ITFG1: variants seen among roughly 807,000 people sequenced by gnomAD.
The protein encoded by ITFG1 is integrin alpha FG-GAP repeat containing 1, also known as T-cell immunomodulatory protein.
A neutral mutation model predicts 81.8 loss-of-function variants in ITFG1; 34 were observed. The ratio of observed to expected loss-of-function variants is 0.42; its 90% CI spans 0.32 to 0.55. The LOEUF (loss-of-function observed/expected upper bound fraction) is 0.55, where lower values mean the gene tolerates loss of function less well. Ranked by LOEUF, ITFG1 falls within the 20% of genes least tolerant of loss-of-function variation. The pLI is 0.17. For synonymous variants in ITFG1, 285 were observed against 270.6 expected (o/e 1.05, Z -0.52); for missense variants, 672 against 755.4 (o/e 0.89, Z 1.29).
chr16:47,239,586 A>G (rs1965911416), intron 12 of ITFG1, among the ~76,000 whole-genome samples: 1 of 152,178 alleles, frequency 6.6e-6, no homozygotes, highest in Non-Finnish European at 1.5e-5. Flanking sequence ...AACATGATAT[A>G]TTTCATCACA....
At position 47,295,361 on chromosome 16, in the gene ITFG1, TGGA is replaced by T. The variant is rs1378658729; in HGVS notation, c.1070+15876_1070+15878del. Among the ~76,000 whole-genome samples, 12 of 152,198 alleles carry T rather than the reference TGGA, an allele frequency of 7.9e-5. No individual in the cohort carries two copies. The East Asian group carries it at 2.3e-3, about 29-fold the overall frequency. ...GAAGATTCCCTTCTCCTTGATTTTTTGGAACAGTTTCAGTAGAACTGGTACCAG... is the reference window on the plus strand; with the variant it reads ...GAAGATTCCCTTCTCCTTGATTTTTTACAGTTTCAGTAGAACTGGTACCAG... On this transcript the variant is annotated intron_variant, in intron 10 of 17. Coordinates refer to ENST00000320640, the MANE Select transcript of ITFG1 (RefSeq NM_030790.5).
At chr16:47,409,070 T>G (rs1340858217) in intron 6 of ITFG1, among the ~76,000 whole-genome samples, 1 of 151,978 alleles carries the variant, frequency 6.6e-6, no homozygotes, top group African/African-American at 2.4e-5. Flanking sequence ...TTATGGGTTT[T>G]ATGAAAAATT....
chr16:47,330,917 T>C (rs112201924), intron 8 of ITFG1, among the ~76,000 whole-genome samples: 1 of 152,176 alleles, frequency 6.6e-6, no homozygotes. Flanking sequence ...AGCTTGGAGA[T>C]TTCTCAAAGA....
intron 15 of ITFG1, among the ~76,000 whole-genome samples, chr16:47,162,276 G>C (rs1431787954): frequency 2.0e-5 from 3 of 151,988 alleles, no homozygotes; most frequent in Admixed American, 2.0e-4. Context: ...AAAAATGTTA[G>C]GATGAAAAAG....
chr16:47,428,089 G>C (rs920668972), intron 6 of ITFG1, among the ~76,000 whole-genome samples: 1 of 152,162 alleles, frequency 6.6e-6, no homozygotes, highest in Non-Finnish European at 1.5e-5. Flanking sequence ...AGCTGTGATC[G>C]CATGTACTAC....
chr16:47,369,069 A>T (rs1052899761), intron 7 of ITFG1, among the ~76,000 whole-genome samples: 3 of 152,204 alleles, frequency 2.0e-5, no homozygotes, highest in African/African-American at 7.2e-5. Flanking sequence ...GATTATTTAC[A>T]TATTTAATAT....
rs552113085 is a variant in ITFG1 at position 47,272,648 on chromosome 16, G to T, written c.1071-11953C>A. On this transcript the variant is annotated intron_variant, in intron 10 of 17. Transcript: ENST00000320640. ...TGACTTCAAGTGATCTGCCTGCCTC[G>T]GCCTCCCAAAGTGCTGGGATTACGG... is the stretch of plus-strand genomic sequence containing the variant. Among the ~76,000 whole-genome samples, 7 of 152,084 alleles carry T rather than the reference G, an allele frequency of 4.6e-5. 1 individual carries two copies. The East Asian group carries it at 1.4e-3, about 29-fold the overall frequency.
intron 6 of ITFG1, among the ~76,000 whole-genome samples, chr16:47,411,718 A>G (rs913602016): frequency 6.6e-6 from 1 of 152,150 alleles, no homozygotes; most frequent in African/African-American, 2.4e-5. Flanking sequence ...ACTGGAGCCA[A>G]GGAAAGATGG....
chr16:47,269,750 A>G lies in ITFG1; in HGVS notation c.1071-9055T>C, dbSNP rs1367442814. 2.0e-5 allele frequency among the ~76,000 whole-genome samples: 3 copies of G among 152,180 alleles called. No individual in the cohort carries two copies. The East Asian group carries it at 5.8e-4, about 29-fold the overall frequency. On this transcript the variant is annotated intron_variant, in intron 10 of 17. Transcript: ENST00000320640. ...GTAATCCCAATAAAATTCTCAGCAG[A>G]CTTTTTATTTGTATTTCTTTTGCAG...
intron 14 of ITFG1, among the ~76,000 whole-genome samples, chr16:47,189,294 C>T (rs1406595949): frequency 6.6e-6 from 1 of 152,116 alleles, no homozygotes; most frequent in African/African-American, 2.4e-5. Flanking sequence ...CAAGGCTGTG[C>T]AACTGACACC....
chr16:47,440,641 G>T (rs955534659), intron 5 of ITFG1, among the ~76,000 whole-genome samples: 3 of 152,008 alleles, frequency 2.0e-5, no homozygotes, highest in African/African-American at 7.2e-5. Context: ...AAACCAACGA[G>T]AACAAAGACA....
intron 5 of ITFG1, among the ~76,000 whole-genome samples, chr16:47,430,368 CT>C (rs1203964160): frequency 1.3e-5 from 2 of 152,058 alleles, no homozygotes; most frequent in East Asian, 3.9e-4. Context: ...GCCCGGACAT[CT>C]TTTCACTTTC....
intron 12 of ITFG1, among the ~76,000 whole-genome samples, chr16:47,248,239 T>G (rs1966025289): frequency 6.6e-6 from 1 of 152,170 alleles, no homozygotes. Flanking sequence ...CTTCTTTCAG[T>G]GTGCCTGAAA....
intron 5 of ITFG1, among the ~76,000 whole-genome samples, chr16:47,433,393 C>G (rs563206866): frequency 6.6e-6 from 1 of 152,148 alleles, no homozygotes. Flanking sequence ...GTCTGGCAAC[C>G]AACTGGCTTT....
intron 13 of ITFG1, among the ~76,000 whole-genome samples, chr16:47,226,970 A>G (rs557891324): frequency 6.6e-6 from 1 of 152,330 alleles, no homozygotes; most frequent in East Asian, 1.9e-4. Context: ...CAAACAAAGT[A>G]ATGTCAGTAG....
intron 8 of ITFG1, among the ~76,000 whole-genome samples, chr16:47,323,063 T>C (rs981783253): frequency 6.6e-6 from 1 of 152,116 alleles, no homozygotes; most frequent in Admixed American, 6.6e-5. Flanking sequence ...GCTTTTCTGT[T>C]TTGCTGAGTA....
rs1222007051 is a variant in ITFG1 at position 47,376,964 on chromosome 16, C to CAAAAAAAA, written c.656-1032_656-1025dup. On this transcript the variant is annotated intron_variant, in intron 6 of 17. Transcript: ENST00000320640. ...GAGACAGAGGGAGACTCTGTCTCCC[C>CAAAAAAAA]AAAAAAAAAAAAAAAAAAAAAAAAA... Among the ~76,000 whole-genome samples the CAAAAAAAA allele has an allele frequency of 1.8e-3, 32 of 18,074 alleles. 8 individuals are homozygous for CAAAAAAAA. The highest frequency in any genetic ancestry group is 3.4e-3 in the African/African-American group (27 of 8,054). 11.9% of individuals were successfully genotyped at this position (18,074 alleles called of 152,430 possible).
chr16:47,433,946 G>C (rs555917224), intron 5 of ITFG1, among the ~76,000 whole-genome samples: 36 of 136,734 alleles, frequency 2.6e-4, no homozygotes, highest in African/African-American at 9.6e-4. Flanking sequence ...GTTTATAGTT[G>C]AAAGTAATAT....
chr16:47,263,584 G>T (rs1966237767), intron 10 of ITFG1: 3 of 218,986 alleles, frequency 1.4e-5, no homozygotes, highest in Non-Finnish European at 1.8e-5. Context: ...TATCTCTAGT[G>T]GAGGGGTCTT....
Sources: gnomAD v4.1 joint callset for allele counts (sites outside exome capture counted in the v4.1 genomes callset) on GRCh38, gnomAD v4.1.1 for gene constraint, MANE v1.5 for transcripts, NCBI Gene and HGNC (gene_info 2026-07-23, HGNC 2026-07-21) for gene names.